SLC67A1: variants seen among roughly 807,000 people sequenced by gnomAD.
SLC67A1 encodes solute carrier family 67 member 1.
At chr11:2,921,158 G>C in the SLC67A1 span, 12 of 150,392 alleles carry the variant, frequency 8.0e-5, no homozygotes, top group African/African-American at 2.9e-4. Flanking sequence ...GTGAACCCGG[G>C]AGGCGGAGCT....
the SLC67A1 span, among the ~76,000 whole-genome samples, chr11:2,906,609 G>C: frequency 6.6e-6 from 1 of 151,610 alleles, no homozygotes; most frequent in Non-Finnish European, 1.5e-5. Context: ...GCAAACTATC[G>C]CAAGGACAGA....
At chr11:2,922,185 C>T in the SLC67A1 span, 12 of 1,613,384 alleles carry the variant, frequency 7.4e-6, no homozygotes, top group African/African-American at 5.3e-5. Context: ...TGGTCTTCAT[C>T]GTGGTGGGCC....
chr11:2,908,467 C>A, the SLC67A1 span: 2 of 623,334 alleles, frequency 3.2e-6, no homozygotes, highest in Non-Finnish European at 5.4e-6. Context: ...TGTCACAGGC[C>A]GATGGGGGTG....
chr11:2,917,957 T>TGA, the SLC67A1 span: 30 of 1,570,848 alleles, frequency 1.9e-5, no homozygotes, highest in Non-Finnish European at 2.6e-5. Context: ...GACAATGGCC[T>TGA]TTGCAGGCCT....
chr11:2,903,828 A>G, the SLC67A1 span: 3 of 328,578 alleles, frequency 9.1e-6, no homozygotes, highest in South Asian at 4.0e-5. Context: ...TCCCTGCCCC[A>G]AGGGCTGTTC....
the SLC67A1 span, chr11:2,917,885 G>A: frequency 7.9e-5 from 63 of 797,502 alleles, no homozygotes; most frequent in African/African-American, 8.2e-4. Flanking sequence ...GCTTTACCCT[G>A]GCGGGCGCAA....
the SLC67A1 span, among the ~76,000 whole-genome samples, chr11:2,924,301 AG>A: frequency 6.6e-6 from 1 of 152,044 alleles, no homozygotes; most frequent in African/African-American, 2.4e-5. The surrounding 1 kb of genome is among the most constrained non-coding windows in gnomAD (Gnocchi z 8.6). Context: ...GGGCAGGTGG[AG>A]GGGCCCTGCA....
At chr11:2,925,131 C>T in the SLC67A1 span, 2 of 1,613,896 alleles carry the variant, frequency 1.2e-6, no homozygotes, top group South Asian at 2.2e-5. The surrounding 1 kb of genome is among the most constrained non-coding windows in gnomAD (Gnocchi z 6.5). Flanking sequence ...AGGTTGCTAT[C>T]AATACCCTTG....
chr11:2,903,440 T>C, the SLC67A1 span: 3 of 1,613,194 alleles, frequency 1.9e-6, no homozygotes, highest in African/African-American at 4.0e-5. Flanking sequence ...ACCTACGTGC[T>C]GGCCGCCACA....
At chr11:2,912,190 G>A in the SLC67A1 span, among the ~76,000 whole-genome samples, 1 of 152,230 alleles carries the variant, frequency 6.6e-6, no homozygotes, top group Non-Finnish European at 1.5e-5. Context: ...CAGAGTGGTG[G>A]TGGCACAGGA....
At chr11:2,908,904 C>T in the SLC67A1 span, among the ~76,000 whole-genome samples, 15,670 of 152,220 alleles carry the variant, frequency 0.1, 1,436 homozygotes, top group East Asian at 0.48. Context: ...AAACGCGGGC[C>T]CACCCTTTGG....
chr11:2,922,293 G>T, the SLC67A1 span: 1 of 1,501,448 alleles, frequency 6.7e-7, no homozygotes, highest in Non-Finnish European at 9.2e-7. Context: ...AGCCCTTGGG[G>T]ACTCCTCCAG....
At chr11:2,915,344 A>G in the SLC67A1 span, 10 of 651,894 alleles carry the variant, frequency 1.5e-5, no homozygotes, top group South Asian at 5.4e-4. Context: ...CTTTCTTTGA[A>G]CTCCTTGGTG....
chr11:2,902,804 C>A, the SLC67A1 span: 1 of 920,620 alleles, frequency 1.1e-6, no homozygotes, highest in Non-Finnish European at 1.3e-6. Context: ...GGAGCTCTGG[C>A]TGCTGGCCAC....
At chr11:2,902,736 G>C in the SLC67A1 span, 3 of 985,452 alleles carry the variant, frequency 3.0e-6, no homozygotes, top group East Asian at 3.4e-4. Flanking sequence ...AGAGCTACTG[G>C]GGAGCCTGGA....
the SLC67A1 span, among the ~76,000 whole-genome samples, chr11:2,910,523 G>T: frequency 6.6e-6 from 1 of 152,124 alleles, no homozygotes; most frequent in Non-Finnish European, 1.5e-5. Context: ...GAAGCCAGGG[G>T]GCCGTGTGGC....
chr11:2,916,321 C>T, the SLC67A1 span: 97 of 369,366 alleles, frequency 2.6e-4, 2 homozygotes, highest in Middle Eastern at 1.4e-3. Context: ...TGGGAGGATC[C>T]GCCACCTGCC....
At chr11:2,904,132 A>G in the SLC67A1 span, among the ~76,000 whole-genome samples, 1 of 152,216 alleles carries the variant, frequency 6.6e-6, no homozygotes, top group Non-Finnish European at 1.5e-5. Context: ...TGATTAAATT[A>G]TATTCACCAA....
chr11:2,925,222 A>G, the SLC67A1 span: 1 of 1,603,130 alleles, frequency 6.2e-7, no homozygotes, highest in Non-Finnish European at 8.5e-7. This position sits in a 1 kb window ranked among gnomAD's most constrained non-coding sequence, Gnocchi z 6.5. Flanking sequence ...CAGACTGGCA[A>G]TAAACTCCTA....
Sources: allele counts gnomAD v4.1 joint callset (sites outside exome capture counted in the v4.1 genomes callset), GRCh38; gene constraint gnomAD v4.1.1; non-coding constraint Gnocchi (gnomAD v3.1); transcripts MANE v1.5; gene names NCBI Gene and HGNC (gene_info 2026-07-23, HGNC 2026-07-21).